Variants in KTN1 observed in about 807,000 individuals in gnomAD.
The protein encoded by KTN1 is kinectin.
A neutral mutation model predicts 222.5 loss-of-function variants in KTN1; 130 were observed. That is an observed-to-expected ratio of 0.58 (90% CI 0.51 to 0.68). The LOEUF is 0.68. Ranked by LOEUF, KTN1 falls within the 30% of genes least tolerant of loss-of-function variation. The probability of loss-of-function intolerance (pLI) is 0.00; values close to 1 mark genes in which losing one functional copy is unlikely to be tolerated. For missense variants in KTN1, 1,508 were observed against 1,500.4 expected (o/e 1.01, Z -0.08); for synonymous variants, 512 against 496.3 (o/e 1.03, Z -0.42).
At chr14:55,643,520 A>G (rs146805519) in intron 18 of KTN1, among the ~76,000 whole-genome samples, 84 of 152,342 alleles carry the variant, frequency 5.5e-4, no homozygotes, top group Middle Eastern at 6.8e-3. Flanking sequence ...TGAAATGCTG[A>G]TAACCAGTGT....
rs1261444785 is a variant in KTN1, at chr14:55,612,379, G to T, written c.331G>T (p.Val111Phe). Residue 111 changes from valine (V) to phenylalanine (F), a missense_variant, in exon 2 of 44, where the codon GTT becomes TTT. By Grantham distance (50) the Val-to-Phe change is conservative. Transcript: ENST00000395314. Reference protein sequence around the residue: ...PLNVVETSSSVRERKKKEKKQ... With the variant: ...PLNVVETSSSFRERKKKEKKQ... ...GAATGTCGTTGAAACTTCAAGTAGT[G>T]TTAGGGAAAGAAAAAAGAAGGAAAA... The T allele has an allele frequency of 1.2e-6, 2 of 1,613,998 alleles. No individual in the cohort carries two copies. Among genetic ancestry groups the T allele is most frequent in the Non-Finnish European group, 1.7e-6 (2 of 1,179,968 alleles).
Position 55,673,212 on chromosome 14 carries a change from A to T in KTN1, c.3728A>T (p.Asp1243Val), listed in dbSNP as rs2045600447. Residue 1243 changes from aspartate (D) to valine (V), a missense_variant, in exon 40 of 44, where the codon GAT (aspartate) becomes GTT (valine). By Grantham distance (152) the Asp-to-Val change is radical. Transcript: ENST00000395314. ...ACTGAATTGCAGAAAAAACTTGATG[A>T]TTCATATTCTGAAGCAGTAAGACAG... is the stretch of plus-strand genomic sequence containing the variant. ...LLTELQKKLD[D>V]SYSEAVRQNE... is the part of the protein sequence containing the mutation. The T allele has an allele frequency of 6.2e-7, 1 of 1,613,222 alleles. No homozygotes were observed. Among genetic ancestry groups the T allele is most frequent in the Admixed American group, 1.7e-5 (1 of 59,988 alleles).
intron 2 of KTN1, among the ~76,000 whole-genome samples, chr14:55,616,287 A>G (rs1470940816): frequency 6.6e-6 from 1 of 152,118 alleles, no homozygotes. Context: ...GATCATGCCT[A>G]TAGGCTCAGT....
At chr14:55,684,032 A>C in intron 43 of KTN1, 67 bp from the exon 44 acceptor site, 1 of 1,437,532 alleles carries the variant, frequency 7.0e-7, no homozygotes, top group East Asian at 2.3e-5. Context: ...GTGTTTGACA[A>C]ATGTCTTCTG....
At chr14:55,667,970 TG>T (rs2045017575) in intron 34 of KTN1, 1 of 151,758 alleles carries the variant, frequency 6.6e-6, no homozygotes, top group East Asian at 1.9e-4. Flanking sequence ...TAATGAGGCC[TG>T]ATGTACCCAA....
At chr14:55,620,372 C>G (rs2038972877) in intron 5 of KTN1, among the ~76,000 whole-genome samples, 1 of 152,212 alleles carries the variant, frequency 6.6e-6, no homozygotes, top group Admixed American at 6.5e-5. Context: ...CACAGCTCCA[C>G]TGGGCAGTGC....
chr14:55,637,783 T>C lies in KTN1; in HGVS notation c.1721T>C (p.Ile574Thr). 6.2e-7 allele frequency: 1 copy of C among 1,609,146 alleles called. No individual in the cohort carries two copies. The highest frequency in any genetic ancestry group is 8.5e-7 in the Non-Finnish European group (1 of 1,176,854). ...EESLQMQVQD[I>T]LEQNEALKAQ... ...TTTGGTTGCTATTTATGAAAGGATA[T>C]TTTGGAGCAGAATGAGGCTTTGAAA... is the stretch of plus-strand genomic sequence containing the variant. Residue 574 changes from isoleucine (I) to threonine (T), a missense_variant, in exon 12 of 44, where the codon ATT becomes ACT. Physicochemically the swap from Ile to Thr is moderately conservative, Grantham distance 89. Coordinates refer to ENST00000395314, the MANE Select transcript of KTN1 (RefSeq NM_001079521.2).
Position 55,639,225 on chromosome 14 carries a change from A to G in KTN1, c.1823+3A>G. 1.3e-6 allele frequency: 2 copies of G among 1,599,130 alleles called. No homozygotes were observed. The highest frequency in any genetic ancestry group is 1.7e-6 in the Non-Finnish European group (2 of 1,167,098). Reference sequence around the variant, plus strand: ...CTAGCAGAAGAATTACATAAAGTGTAAGCCTACCTTTTCACACTCTTATAA... The same window carrying G: ...CTAGCAGAAGAATTACATAAAGTGTGAGCCTACCTTTTCACACTCTTATAA... On this transcript the variant is annotated splice_donor_region_variant and intron_variant, in intron 13 of 43. Transcript: ENST00000395314.
Position 55,670,790 on chromosome 14 carries a change from C to G in KTN1, c.3329C>G (p.Ser1110Ter). ...GCAAAAGAATGTATGGCTGGAACTT[C>G]AGGGTCAGAGGAGGTTAAGGTTAGT... ...KKAKECMAGTSGSEEVKVLEH... is the reference protein window; with the variant it reads ...KKAKECMAGT Residue 1110 changes from serine to a stop codon, truncating the protein, a stop_gained, in exon 35 of 44, where the codon TCA becomes TGA. Coordinates refer to ENST00000395314, the MANE Select transcript of KTN1 (RefSeq NM_001079521.2). LOFTEE classifies it high-confidence loss of function. The G allele has an allele frequency of 6.2e-7, 1 of 1,608,122 alleles. No homozygotes were observed.
intron 1 of KTN1, among the ~76,000 whole-genome samples, chr14:55,591,179 T>C (rs971292540): frequency 1.3e-5 from 2 of 152,220 alleles, no homozygotes; most frequent in South Asian, 2.1e-4. Flanking sequence ...TTCAAACTTT[T>C]TGTTACCACT....
chr14:55,644,555 T>A (rs2141032737), intron 18 of KTN1: 13 of 425,106 alleles, frequency 3.1e-5, no homozygotes, highest in Middle Eastern at 5.9e-4. Flanking sequence ...TTACTCAGAA[T>A]AAGACTTTTT....
At chr14:55,661,645 T>G (rs768517394) in intron 32 of KTN1, 33 bp downstream of exon 32, 1 of 1,127,984 alleles carries the variant, frequency 8.9e-7, no homozygotes, top group South Asian at 1.4e-5. Context: ...GAAGCTTTTC[T>G]TTTTATTACT....
chr14:55,620,264 A>G (rs551124813), intron 5 of KTN1, among the ~76,000 whole-genome samples: 1 of 152,056 alleles, frequency 6.6e-6, no homozygotes, highest in Non-Finnish European at 1.5e-5. Flanking sequence ...GGCTGCTTTC[A>G]TGGGCTGGCG....
chr14:55,581,231 G>A (rs1459399896), intron 1 of KTN1, among the ~76,000 whole-genome samples: 1 of 152,166 alleles, frequency 6.6e-6, no homozygotes, highest in East Asian at 1.9e-4. Context: ...TGCACTAGAT[G>A]TGGGCAGCCC....
chr14:55,631,416 T>A (rs2040524461), intron 7 of KTN1, among the ~76,000 whole-genome samples: 1 of 149,894 alleles, frequency 6.7e-6, no homozygotes, highest in South Asian at 2.1e-4. Context: ...TTTAATATTT[T>A]GAGGCATTAT....
intron 18 of KTN1, among the ~76,000 whole-genome samples, chr14:55,646,452 CCTTTTCCTTTTCCTTTCCTTTCCTTT>C (rs1566787880): frequency 8.3e-5 from 6 of 72,622 alleles, no homozygotes; most frequent in South Asian, 5.6e-4. Context: ...TTTTCCTTTT[CCTTTTCCTTTTCCTTTCCTTTCCTTT>C]CCTTTCCTTT....
intron 18 of KTN1, chr14:55,644,479 G>C (rs1331055043): frequency 7.3e-6 from 5 of 688,900 alleles, no homozygotes; most frequent in Non-Finnish European, 5.3e-6. Flanking sequence ...AGGAGGGAAG[G>C]CTGCATTTGG....
chr14:55,584,026 A>G (rs546442340), intron 1 of KTN1, among the ~76,000 whole-genome samples: 44 of 152,274 alleles, frequency 2.9e-4, no homozygotes, highest in African/African-American at 9.4e-4. Context: ...GATTTCTGCA[A>G]TTAGCCTCCT....
Position 55,671,022 on chromosome 14 carries a change from C to T in KTN1, c.3348+213C>T, listed in dbSNP as rs182144305. 3.3e-3 allele frequency among the ~76,000 whole-genome samples: 498 copies of T among 152,168 alleles called. 1 individual carries two copies. Among genetic ancestry groups the T allele is most frequent in the African/African-American group, 0.012 (478 of 41,516 alleles). Reference sequence around the variant, plus strand: ...GTTTACAAAGCTAGTGTTTGCCATTCCTTTAACTCTGTATTTTAATTGTTT... The same window carrying T: ...GTTTACAAAGCTAGTGTTTGCCATTTCTTTAACTCTGTATTTTAATTGTTT... On this transcript the variant is annotated intron_variant, in intron 35 of 43. Transcript: ENST00000395314.
Sources: gnomAD v4.1 joint callset for allele counts (sites outside exome capture counted in the v4.1 genomes callset) on GRCh38, gnomAD v4.1.1 for gene constraint, MANE v1.5 for transcripts, NCBI Gene and HGNC (gene_info 2026-07-23, HGNC 2026-07-21) for gene names.